Variants in CFAP107 observed in about 807,000 individuals in gnomAD.
CFAP107 encodes cilia- and flagella-associated protein 107.
the CFAP107 span, chr1:12,755,821 G>A: frequency 6.3e-7 from 1 of 1,595,076 alleles, no homozygotes; most frequent in Non-Finnish European, 8.6e-7. Context: ...GAGGTAAGAG[G>A]GAGTGGCAAC....
At chr1:12,746,662 A>G in the CFAP107 span, 2 of 709,446 alleles carry the variant, frequency 2.8e-6, no homozygotes, top group Admixed American at 2.1e-5. Context: ...AAAATGTGGC[A>G]TTGGGGTCTC....
At chr1:12,754,917 G>C in the CFAP107 span, among the ~76,000 whole-genome samples, 2 of 152,200 alleles carry the variant, frequency 1.3e-5, no homozygotes, top group Non-Finnish European at 2.9e-5. Flanking sequence ...TGTAAGTAAA[G>C]TTCTAGAGAT....
the CFAP107 span, among the ~76,000 whole-genome samples, chr1:12,749,963 A>G: frequency 6.6e-6 from 1 of 152,238 alleles, no homozygotes; most frequent in Non-Finnish European, 1.5e-5. Context: ...AAAAGCCAGG[A>G]TTATTATAAT....
chr1:12,755,748 T>C, the CFAP107 span: 3 of 1,613,970 alleles, frequency 1.9e-6, no homozygotes, highest in Admixed American at 5.0e-5. Flanking sequence ...CAGAAAAGAA[T>C]ACATCCCCTT....
At chr1:12,761,085 C>A in the CFAP107 span, 1 of 842,368 alleles carries the variant, frequency 1.2e-6, no homozygotes, top group African/African-American at 1.7e-5. Flanking sequence ...TCAGAATCAT[C>A]ATCTGCATTT....
chr1:12,751,938 T>C, the CFAP107 span, among the ~76,000 whole-genome samples: 1 of 152,122 alleles, frequency 6.6e-6, no homozygotes, highest in African/African-American at 2.4e-5. Flanking sequence ...AATAGATCTA[T>C]AACTAGTGAA....
the CFAP107 span, among the ~76,000 whole-genome samples, chr1:12,746,703 C>T: frequency 1.3e-5 from 2 of 152,062 alleles, no homozygotes; most frequent in Admixed American, 1.3e-4. Flanking sequence ...TACATTCAAG[C>T]AATCATCAAT....
the CFAP107 span, chr1:12,759,608 G>A: frequency 1.3e-5 from 15 of 1,123,892 alleles, no homozygotes; most frequent in Admixed American, 1.9e-5. Flanking sequence ...GGAGAGCAGC[G>A]GATGACATAG....
the CFAP107 span, among the ~76,000 whole-genome samples, chr1:12,751,144 A>G: frequency 1.5e-4 from 23 of 152,280 alleles, no homozygotes; most frequent in South Asian, 4.1e-3. Flanking sequence ...TACTGTTAAG[A>G]GGGAAATTTA....
the CFAP107 span, chr1:12,753,393 A>C: frequency 6.6e-6 from 1 of 151,970 alleles, no homozygotes; most frequent in African/African-American, 2.4e-5. Flanking sequence ...ATAAAATCTC[A>C]AGAGACTCCA....
the CFAP107 span, among the ~76,000 whole-genome samples, chr1:12,756,694 A>G: frequency 6.6e-6 from 1 of 152,198 alleles, no homozygotes; most frequent in African/African-American, 2.4e-5. Context: ...GGGTGGCAGC[A>G]GACAGACATG....
the CFAP107 span, chr1:12,763,325 T>C: frequency 1.3e-5 from 2 of 152,248 alleles, no homozygotes; most frequent in Non-Finnish European, 2.9e-5. Flanking sequence ...GGCGGAGGGT[T>C]GGACAAGCTT....
the CFAP107 span, chr1:12,755,752 T>C: frequency 6.2e-7 from 1 of 1,613,778 alleles, no homozygotes; most frequent in Non-Finnish European, 8.5e-7. Flanking sequence ...AAAGAATACA[T>C]CCCCTTCCCA....
chr1:12,756,031 C>T, the CFAP107 span, among the ~76,000 whole-genome samples: 5 of 152,232 alleles, frequency 3.3e-5, no homozygotes, highest in African/African-American at 1.2e-4. Context: ...TTCCCTCCAA[C>T]CTATATCCCA....
chr1:12,757,062 C>G, the CFAP107 span, among the ~76,000 whole-genome samples: 3 of 152,164 alleles, frequency 2.0e-5, no homozygotes, highest in Non-Finnish European at 4.4e-5. Flanking sequence ...ACCAGCAGTG[C>G]GCATTAAAGA....
At chr1:12,760,637 C>T in the CFAP107 span, 1 of 878,606 alleles carries the variant, frequency 1.1e-6, no homozygotes, top group South Asian at 1.8e-5. Context: ...GGGCCTCTGC[C>T]AGCCTTGGTC....
the CFAP107 span, among the ~76,000 whole-genome samples, chr1:12,760,604 C>A: frequency 6.6e-6 from 1 of 152,228 alleles, no homozygotes; most frequent in Non-Finnish European, 1.5e-5. Flanking sequence ...TGAACCAATG[C>A]TCTCTGCAAG....
At chr1:12,758,751 C>G in the CFAP107 span, among the ~76,000 whole-genome samples, 4 of 152,192 alleles carry the variant, frequency 2.6e-5, no homozygotes, top group Admixed American at 6.5e-5. Flanking sequence ...TTTCTTCTCA[C>G]TGTAAATTAC....
the CFAP107 span, among the ~76,000 whole-genome samples, chr1:12,755,340 G>C: frequency 5.1e-4 from 77 of 152,262 alleles, no homozygotes; most frequent in African/African-American, 1.8e-3. Context: ...GAGAGGCAGA[G>C]GTTGCAGTGA....
Sources: gnomAD v4.1 joint callset for allele counts (sites outside exome capture counted in the v4.1 genomes callset) on GRCh38, gnomAD v4.1.1 for gene constraint, MANE v1.5 for transcripts, NCBI Gene and HGNC (gene_info 2026-07-23, HGNC 2026-07-21) for gene names.